Variants in RIMS1 observed in about 807,000 individuals in gnomAD.
RIMS1 encodes regulating synaptic membrane exocytosis 1, also known as regulating synaptic membrane exocytosis protein 1.
RIMS1 carries 83 observed loss-of-function variants against 214.1 expected under a neutral mutation model. The ratio of observed to expected loss-of-function variants is 0.39; its 90% CI spans 0.32 to 0.47. The LOEUF is 0.47. Ranked by LOEUF, RIMS1 falls within the 20% of genes least tolerant of loss-of-function variation. The pLI is 0.99. For missense variants in RIMS1, 2,050 were observed against 2,161.8 expected, an observed-to-expected ratio of 0.95 and a Z score of 1.03; for synonymous variants, 793 against 786.8, an observed-to-expected ratio of 1.01 and a Z score of -0.13.
rs886970169 is a variant in RIMS1, at chr6:72,260,724, A to G, written c.3073A>G (p.Arg1025Gly). The G allele has an allele frequency of 9.9e-6, 16 of 1,612,460 alleles. No homozygotes were observed. Among genetic ancestry groups the G allele is most frequent in the Non-Finnish European group, 1.4e-5 (16 of 1,179,038 alleles). Residue 1025 changes from arginine (R) to glycine (G), a missense_variant, in exon 19 of 34, where the codon AGA becomes GGA. By Grantham distance (125) the Arg-to-Gly change is moderately radical. This residue lies in a region of RIMS1 where 889 missense variants were observed against 885.5 expected (regional missense o/e 1.00). Transcript: ENST00000521978. ...GTGCAGTGAGCTTCTTATGCTGCCC[A>G]GAGCAAAACGAGGACGAAGTGCAGA... ...EQDSELLMLP[R>G]AKRGRSAECL...
At chr6:72,367,771 C>T (rs1443485272) in intron 29 of RIMS1, among the ~76,000 whole-genome samples, 2 of 152,156 alleles carry the variant, frequency 1.3e-5, no homozygotes, top group African/African-American at 4.8e-5. Flanking sequence ...TTATCAGTAA[C>T]TTCCTTTCTT....
chr6:72,116,229 C>G (rs78209527), intron 4 of RIMS1, among the ~76,000 whole-genome samples: 2,007 of 152,022 alleles, frequency 0.013, 21 homozygotes, highest in East Asian at 0.044. Flanking sequence ...GTACCCAACA[C>G]CAGTTCTCTT....
intron 6 of RIMS1, among the ~76,000 whole-genome samples, chr6:72,218,759 G>A (rs1056532471): frequency 1.3e-5 from 2 of 152,044 alleles, no homozygotes; most frequent in Non-Finnish European, 2.9e-5. Flanking sequence ...CATGAGAGAC[G>A]AAAGAAAAAG....
intron 1 of RIMS1, among the ~76,000 whole-genome samples, chr6:71,937,378 A>G (rs1784761735): frequency 6.6e-6 from 1 of 152,082 alleles, no homozygotes; most frequent in Non-Finnish European, 1.5e-5. Flanking sequence ...CTCCCACCTT[A>G]GAATCCTGAG....
At chr6:72,348,709 T>A (rs1167813550) in intron 29 of RIMS1, among the ~76,000 whole-genome samples, 8 of 151,878 alleles carry the variant, frequency 5.3e-5, no homozygotes. Context: ...ATAGGTACTT[T>A]TTTTCAGCAC....
intron 1 of RIMS1, among the ~76,000 whole-genome samples, chr6:71,903,398 C>T (rs1774304060): frequency 6.6e-6 from 1 of 152,010 alleles, no homozygotes; most frequent in Admixed American, 6.6e-5. Flanking sequence ...ACTATAAAAA[C>T]CCTAGAAGAA....
intron 23 of RIMS1, among the ~76,000 whole-genome samples, chr6:72,279,063 T>C (rs1460258549): frequency 6.6e-6 from 1 of 152,050 alleles, no homozygotes; most frequent in Non-Finnish European, 1.5e-5. Flanking sequence ...TAAATAATTA[T>C]GATTTTATTA....
chr6:72,095,108 G>T (rs965377721), intron 2 of RIMS1, among the ~76,000 whole-genome samples: 1 of 131,632 alleles, frequency 7.6e-6, no homozygotes, highest in Non-Finnish European at 1.6e-5. Flanking sequence ...CCGCCACCAC[G>T]CCCGACTATT....
chr6:72,395,528 G>C (rs2098763508), intron 31 of RIMS1, among the ~76,000 whole-genome samples: 1 of 152,062 alleles, frequency 6.6e-6, no homozygotes, highest in Admixed American at 6.5e-5. Context: ...CAGCAGTTTA[G>C]ACAGAGTTGA....
At chr6:72,217,010 G>A (rs753077805) in intron 6 of RIMS1, 72 of 1,419,528 alleles carry the variant, frequency 5.1e-5, no homozygotes, top group Non-Finnish European at 6.5e-5. Context: ...GTTGTATAAT[G>A]TTGGACACTG....
At chr6:71,905,838 CTCTA>C (rs940003990) in intron 1 of RIMS1, among the ~76,000 whole-genome samples, 1 of 152,090 alleles carries the variant, frequency 6.6e-6, no homozygotes, top group Non-Finnish European at 1.5e-5. Flanking sequence ...ATTCCCAGCT[CTCTA>C]TCTGTTTTGT....
At chr6:72,110,232 T>C (rs953183804) in intron 4 of RIMS1, among the ~76,000 whole-genome samples, 3 of 152,210 alleles carry the variant, frequency 2.0e-5, no homozygotes, top group African/African-American at 7.2e-5. Context: ...TTTCCAATTC[T>C]GTGAAGAAAG....
Position 71,918,975 on chromosome 6 carries a change from C to T in RIMS1, c.164+31788C>T, listed in dbSNP as rs898040425. On this transcript the variant is annotated intron_variant, in intron 1 of 33. Transcript: ENST00000521978. Reference sequence around the variant, plus strand: ...ACTAATGCCAAGGAAACGCCTTTCACTCTTAGGCAGCAAAGATTAAAGCAA... The same window carrying T: ...ACTAATGCCAAGGAAACGCCTTTCATTCTTAGGCAGCAAAGATTAAAGCAA... 3.3e-5 allele frequency among the ~76,000 whole-genome samples: 5 copies of T among 152,082 alleles called. No homozygotes were observed. In the South Asian group the frequency reaches 6.2e-4, roughly 19 times the overall value.
chr6:72,017,341 A>G (rs566957), intron 2 of RIMS1, among the ~76,000 whole-genome samples: 34,586 of 152,200 alleles, frequency 0.23, 4,583 homozygotes, highest in East Asian at 0.32. Context: ...AATAACACAA[A>G]TGCCATTATG....
intron 26 of RIMS1, among the ~76,000 whole-genome samples, chr6:72,293,396 A>G (rs1224832986): frequency 6.6e-6 from 1 of 151,920 alleles, no homozygotes; most frequent in Non-Finnish European, 1.5e-5. Flanking sequence ...ATTATTCATA[A>G]TTAATCTGGC....
At chr6:72,164,055 G>T (rs534881208) in intron 4 of RIMS1, among the ~76,000 whole-genome samples, 1 of 152,228 alleles carries the variant, frequency 6.6e-6, no homozygotes, top group East Asian at 1.9e-4. Flanking sequence ...CGAGCTTCCC[G>T]GCCACTTTGT....
intron 2 of RIMS1, among the ~76,000 whole-genome samples, chr6:72,003,774 T>A (rs1368018467): frequency 6.6e-6 from 1 of 152,110 alleles, no homozygotes; most frequent in African/African-American, 2.4e-5. Flanking sequence ...AATTAACTGT[T>A]CACAGTGGTC....
chr6:72,312,146 G>A (rs2095542921), intron 27 of RIMS1, among the ~76,000 whole-genome samples: 1 of 152,028 alleles, frequency 6.6e-6, no homozygotes, highest in Admixed American at 6.6e-5. Context: ...GTATGTTTTA[G>A]CAAGACAGTT....
chr6:71,976,548 T>C (rs558527091), intron 2 of RIMS1, among the ~76,000 whole-genome samples: 2 of 152,104 alleles, frequency 1.3e-5, no homozygotes, highest in Non-Finnish European at 2.9e-5. Context: ...GTGAATAGTC[T>C]TTTCATTTTC....
Sources: gnomAD v4.1 joint callset for allele counts (sites outside exome capture counted in the v4.1 genomes callset) on GRCh38, gnomAD v4.1.1 for gene constraint, gnomAD v4.1.1 regional missense constraint, MANE v1.5 for transcripts, NCBI Gene and HGNC (gene_info 2026-07-23, HGNC 2026-07-21) for gene names.